AP3B2: variants seen among roughly 807,000 people sequenced by gnomAD.
The protein encoded by AP3B2 is AP-3 complex subunit beta-2.
AP3B2 carries 50 observed loss-of-function variants against 126.9 expected under a neutral mutation model. The observed-to-expected ratio is 0.39, with a 90% confidence interval of 0.31 to 0.50. AP3B2 has a LOEUF of 0.50. Among genes scored for constraint, AP3B2 ranks in the 20% least tolerant of loss-of-function variants. AP3B2 has a pLI of 0.79. For missense variants in AP3B2, 1,177 were observed against 1,426.4 expected (o/e 0.83, Z 2.82); for synonymous variants, 541 against 565.0 (o/e 0.96, Z 0.60).
At chr15:82,676,074 T>C (rs1166907211) in intron 14 of AP3B2, among the ~76,000 whole-genome samples, 2 of 152,140 alleles carry the variant, frequency 1.3e-5, no homozygotes, top group African/African-American at 4.8e-5. Flanking sequence ...TGGCCAAGCA[T>C]TGTCAAGCTT....
At chr15:82,672,178 A>G (rs1025678737) in intron 14 of AP3B2, among the ~76,000 whole-genome samples, 15 of 152,376 alleles carry the variant, frequency 9.8e-5, no homozygotes, top group African/African-American at 3.6e-4. Context: ...AGCACTGTTC[A>G]CCATAGCCAA....
At position 82,665,501 on chromosome 15, in the gene AP3B2, C is replaced by G. The variant is rs1308233067; in HGVS notation, c.1927G>C (p.Asp643His). ...GGGTCTGGGGCTTCCTCCGGCCAGT[C>G]TGGGAGCTCCTGGTAGCCTGTGGCC... ...AKATGYQELP[D>H]WPEEAPDPSV... Residue 643 changes from aspartate to histidine, a missense_variant, in exon 16 of 27, where the codon GAC becomes CAC. By Grantham distance (81) the Asp-to-His change is moderately conservative. This residue lies in a region of AP3B2 where 308 missense variants were observed against 452.4 expected (regional missense o/e 0.68). Coordinates refer to ENST00000535359, the MANE Select transcript of AP3B2 (RefSeq NM_001278512.2). This position sits in a 1 kb window ranked among gnomAD's most constrained non-coding sequence, Gnocchi z 4.4. 1.2e-6 allele frequency: 2 copies of G among 1,613,740 alleles called. No homozygotes were observed. Among genetic ancestry groups the G allele is most frequent in the African/African-American group, 2.7e-5 (2 of 74,846 alleles).
intron 1 of AP3B2, 49 bp downstream of exon 1, chr15:82,709,545 C>T (rs1472691103): frequency 2.2e-6 from 3 of 1,356,206 alleles, no homozygotes; most frequent in Admixed American, 2.9e-5. Flanking sequence ...GCGCCTCGCC[C>T]GGTCCCCGGC....
intron 1 of AP3B2, among the ~76,000 whole-genome samples, chr15:82,706,471 C>T (rs1489351829): frequency 6.6e-6 from 1 of 152,190 alleles, no homozygotes; most frequent in Non-Finnish European, 1.5e-5. Flanking sequence ...CCAAAGGAAG[C>T]TGGAGTCATT....
At chr15:82,674,317 A>T (rs2048207941) in intron 14 of AP3B2, among the ~76,000 whole-genome samples, 1 of 151,568 alleles carries the variant, frequency 6.6e-6, no homozygotes, top group African/African-American at 2.4e-5. Context: ...CTTCTTTACC[A>T]CTCCCAGAAG....
chr15:82,692,154 T>A, intron 1 of AP3B2: 2 of 1,488,360 alleles, frequency 1.3e-6, no homozygotes, highest in Non-Finnish European at 1.9e-6. Flanking sequence ...ACACTGGCCA[T>A]AATCATAACT....
intron 24 of AP3B2, 37 bp from the exon 25 acceptor site, chr15:82,661,959 C>G (rs1203290852): frequency 1.3e-6 from 2 of 1,565,454 alleles, no homozygotes; most frequent in Admixed American, 3.4e-5. Context: ...AGAATTAAGG[C>G]TGTCATCTCT....
chr15:82,660,001 G>A lies in AP3B2; in HGVS notation c.3017-18C>T. ...CAGCTTTCCTGGGGGTAGAGGTCGT[G>A]ATGAGGGCAGAGGCCATGGTGGGTA... On this transcript the variant is annotated intron_variant, in intron 25 of 26. Coordinates refer to ENST00000535359, the MANE Select transcript of AP3B2 (RefSeq NM_001278512.2). 6.2e-7 allele frequency: 1 copy of A among 1,613,096 alleles called. No individual in the cohort carries two copies. Among genetic ancestry groups the A allele is most frequent in the Non-Finnish European group, 8.5e-7 (1 of 1,179,558 alleles).
In AP3B2 at chr15:82,675,258, A is replaced by G. The variant is rs889487530; in HGVS notation, c.1665+1203T>C. ...TCTCCTCCTTCCACCTGAAGACCTA[A>G]GGTTTGGAAGTTACTTTTGATAAGG... On this transcript the variant is annotated intron_variant, in intron 14 of 26. Coordinates refer to ENST00000535359, the MANE Select transcript of AP3B2 (RefSeq NM_001278512.2). 3.3e-5 allele frequency among the ~76,000 whole-genome samples: 5 copies of G among 152,242 alleles called. No individual in the cohort carries two copies. The South Asian group carries it at 1.0e-3, about 32-fold the overall frequency.
At chr15:82,667,695 C>T (rs1160882667) in intron 14 of AP3B2, among the ~76,000 whole-genome samples, 2 of 152,204 alleles carry the variant, frequency 1.3e-5, no homozygotes, top group Non-Finnish European at 2.9e-5. Context: ...GCTAGGTGCT[C>T]CACACTAGCT....
In AP3B2 at chr15:82,663,582, G is replaced by A. The variant is rs756085102; in HGVS notation, c.2475C>T (p.Ile825=). ...CACAATCCTCTAGATCAAGCAGGGAGATCTCCTTGGTTGCAGGAGCACTTT... is the reference window on the plus strand; with the variant it reads ...CACAATCCTCTAGATCAAGCAGGGAAATCTCCTTGGTTGCAGGAGCACTTT... The part of the protein sequence containing the change: ...SSKSAPATKE[I]SLLDLEDFTP... The change falls in exon 21 of 27, where the codon ATC becomes ATT. Residue 825 remains isoleucine, a synonymous_variant. Coordinates refer to ENST00000535359, the MANE Select transcript of AP3B2 (RefSeq NM_001278512.2). 3.7e-6 allele frequency: 6 copies of A among 1,613,798 alleles called. No homozygotes were observed. In the African/African-American group the frequency reaches 6.7e-5, roughly 18 times the overall value.
chr15:82,661,247 G>A (rs1004856068), intron 25 of AP3B2, among the ~76,000 whole-genome samples: 2 of 152,094 alleles, frequency 1.3e-5, no homozygotes, highest in South Asian at 2.1e-4. Context: ...GCTTCAAAGT[G>A]TTTCCTGGGC....
chr15:82,661,985 CCT>C, intron 24 of AP3B2, 63 bp from the exon 25 acceptor site: 2 of 1,488,982 alleles, frequency 1.3e-6, no homozygotes, highest in Non-Finnish European at 9.3e-7. Flanking sequence ...CACTTCCCAC[CCT>C]GTGTAGAGGC....
intron 21 of AP3B2, 34 bp from the exon 22 acceptor site, chr15:82,663,267 G>A (rs766592679): frequency 2.6e-6 from 4 of 1,545,970 alleles, no homozygotes; most frequent in South Asian, 2.3e-5. Context: ...AGGAGGCAAA[G>A]TGGAGGTGGC....
Position 82,664,718 on chromosome 15 carries a change from A to G in AP3B2, c.2137+117T>C. The G allele has an allele frequency of 1.1e-6, 1 of 946,642 alleles. No individual in the cohort carries two copies. The highest frequency in any genetic ancestry group is 1.6e-6 in the Non-Finnish European group (1 of 632,252). The allele number at this position is 946,642 out of a possible 1,614,324, so 58.6% of individuals were successfully genotyped here. ...CATGAATCCCTCAGGTGCACAAACA[A>G]TTCACAAGCAGGTGCACACCCCTAG... On this transcript the variant is annotated intron_variant, in intron 18 of 26. Transcript: ENST00000535359. This position sits in a 1 kb window ranked among gnomAD's most constrained non-coding sequence, Gnocchi z 4.5.
rs2048332136 is a variant in AP3B2 at position 82,681,084 on chromosome 15, C to T, written c.588+28G>A. The T allele has an allele frequency of 6.2e-7, 1 of 1,613,408 alleles. No individual in the cohort carries two copies. Among genetic ancestry groups the T allele is most frequent in the African/African-American group, 1.3e-5 (1 of 74,910 alleles). ...TGGAAGGCCGGCTGCCGGTCACCAC[C>T]CCTCCCGGAGCGCCCCTATACACGC... On this transcript the variant is annotated intron_variant, in intron 6 of 26. Transcript: ENST00000535359. This position sits in a 1 kb window ranked among gnomAD's most constrained non-coding sequence, Gnocchi z 4.0.
intron 1 of AP3B2, chr15:82,692,146 A>G (rs2048546330): frequency 4.7e-6 from 7 of 1,490,124 alleles, no homozygotes; most frequent in Non-Finnish European, 6.5e-6. Context: ...CGAAGCCGAC[A>G]CTGGCCATAA....
At position 82,677,751 on chromosome 15, in the gene AP3B2, A is replaced by G. The variant is rs1567263922; in HGVS notation, c.1298T>C (p.Ile433Thr). Reference protein sequence around the residue: ...KDFVAATIQAIGRCATNIGRV... With the variant: ...KDFVAATIQATGRCATNIGRV... ...GCCGATGTTAGTTGCACAGCGTCCAATGGCCTGGATTGTGGCTGCCACAAA... is the reference window on the plus strand; with the variant it reads ...GCCGATGTTAGTTGCACAGCGTCCAGTGGCCTGGATTGTGGCTGCCACAAA... The change falls in exon 12 of 27, where the codon ATT (isoleucine) becomes ACT (threonine). Residue 433 changes from isoleucine (I) to threonine (T), a missense_variant. Transcript: ENST00000535359. 3.1e-6 allele frequency: 5 copies of G among 1,612,542 alleles called. No homozygotes were observed. Among genetic ancestry groups the G allele is most frequent in the African/African-American group, 2.7e-5 (2 of 74,930 alleles).
chr15:82,663,538 G>C, intron 21 of AP3B2, 22 bp downstream of exon 21: 1 of 1,612,614 alleles, frequency 6.2e-7, no homozygotes, highest in Non-Finnish European at 8.5e-7. Context: ...TTTCCCCTGT[G>C]ACTTTTACCA....
Sources: gnomAD v4.1 joint callset for allele counts (sites outside exome capture counted in the v4.1 genomes callset) on GRCh38, gnomAD v4.1.1 for gene constraint, gnomAD v4.1.1 regional missense constraint, Gnocchi (gnomAD v3.1) non-coding constraint, MANE v1.5 for transcripts, NCBI Gene and HGNC (gene_info 2026-07-23, HGNC 2026-07-21) for gene names.